Variants in ATP8B3 observed in about 807,000 individuals in gnomAD.
ATP8B3 encodes the protein ATPase phospholipid transporting 8B3.
Under a neutral mutation model 140.9 loss-of-function variants are expected in ATP8B3, and 141 were observed. The observed-to-expected ratio is 1.00, with a 90% confidence interval of 0.87 to 1.15. The LOEUF is 1.15. Ranked by LOEUF, ATP8B3 falls within the 50% of genes most tolerant of loss-of-function variation. ATP8B3 has a pLI of 0.00. For missense variants in ATP8B3, 1,874 were observed against 1,740.6 expected (o/e 1.08, Z -1.36); for synonymous variants, 765 against 714.6 (o/e 1.07, Z -1.13).
chr19:1,809,881 A>G (rs2069138696), intron 3 of ATP8B3, 147 bp from the exon 4 acceptor site: 1 of 717,350 alleles, frequency 1.4e-6, no homozygotes. Flanking sequence ...ACAGTCGGGC[A>G]GCAGGCACCA....
At chr19:1,792,793 G>A (rs1437013661) in intron 18 of ATP8B3, among the ~76,000 whole-genome samples, 1 of 150,674 alleles carries the variant, frequency 6.6e-6, no homozygotes, top group East Asian at 2.0e-4. Context: ...CGCATGCCTG[G>A]AATCCCAGCT....
In ATP8B3 at chr19:1,811,342, C is replaced by T. The variant is rs985883723; in HGVS notation, c.248+147G>A. The T allele has an allele frequency of 1.8e-5, 21 of 1,162,656 alleles. No individual in the cohort carries two copies. In the South Asian group the frequency reaches 2.5e-4, roughly 14 times the overall value. The allele number at this position is 1,162,656 out of a possible 1,614,324, so 72.0% of individuals were successfully genotyped here. ...TGTGGGTCTGGCTCTAGCCCTGCAC[C>T]GGGGGCCCTGGTTTGGCCCCCTATG... is the stretch of plus-strand genomic sequence containing the variant. On this transcript the variant is annotated intron_variant, in intron 2 of 28. Coordinates refer to ENST00000310127, the MANE Select transcript of ATP8B3 (RefSeq NM_138813.4).
chr19:1,784,064 G>A (rs753630161), intron 28 of ATP8B3, among the ~76,000 whole-genome samples: 4 of 152,160 alleles, frequency 2.6e-5, no homozygotes, highest in East Asian at 3.8e-4. Flanking sequence ...TCCTTCTCAC[G>A]GCTCAGGCGT....
rs149812516 is a variant in ATP8B3 at position 1,806,493 on chromosome 19, C to A, written c.677+135G>T. On this transcript the variant is annotated intron_variant, in intron 7 of 28. Transcript: ENST00000310127. The surrounding 1 kb of genome is among the most constrained non-coding windows in gnomAD (Gnocchi z 5.6). ...CGGCCAAACGCCTAATGAATGCAGG[C>A]CCGGTTCCTGTCGGACTCAACCAGC... is the stretch of plus-strand genomic sequence containing the variant. 1 of 1,489,476 alleles carries A rather than the reference C, an allele frequency of 6.7e-7. No homozygotes were observed. The highest frequency in any genetic ancestry group is 1.4e-5 in the African/African-American group (1 of 72,084). The allele number at this position is 1,489,476 out of a possible 1,614,324, so 92.3% of individuals were successfully genotyped here. A position where few individuals can be genotyped will look rare whatever the true frequency, so the allele number is the denominator to read the frequency against.
intron 25 of ATP8B3, 65 bp from the exon 26 acceptor site, chr19:1,785,773 T>C (rs8110462): frequency 0.38 from 485,775 of 1,291,914 alleles, 102,700 homozygotes; most frequent in South Asian, 0.41. Flanking sequence ...GAGATCAGGA[T>C]CTCCTCGGGC....
chr19:1,807,367 C>T lies in ATP8B3; in HGVS notation c.517-101G>A. 1.1e-6 allele frequency: 1 copy of T among 910,448 alleles called. No homozygotes were observed. Among genetic ancestry groups the T allele is most frequent in the South Asian group, 1.5e-5 (1 of 67,422 alleles). 56.4% of individuals were successfully genotyped at this position (910,448 alleles called of 1,614,324 possible). On this transcript the variant is annotated intron_variant, in intron 5 of 28. Coordinates refer to ENST00000310127, the MANE Select transcript of ATP8B3 (RefSeq NM_138813.4). The surrounding 1 kb of genome is among the most constrained non-coding windows in gnomAD (Gnocchi z 5.9). ...GCCCCGCACTCGACACCACGTGACA[C>T]ATCTGCTGGCCACCTTGACCGGGGT...
chr19:1,802,066 T>TCCA, intron 11 of ATP8B3, 22 bp from the exon 12 acceptor site: 1 of 1,523,946 alleles, frequency 6.6e-7, no homozygotes, highest in Admixed American at 2.0e-5. Flanking sequence ...TATCCATCTA[T>TCCA]CCACCCACCC....
chr19:1,790,868 G>A (rs536826216), intron 20 of ATP8B3, 36 bp from the exon 21 acceptor site: 5 of 1,292,556 alleles, frequency 3.9e-6, no homozygotes, highest in East Asian at 4.4e-5. Context: ...TCTGCGACCC[G>A]CCCCGCACTG....
Position 1,806,790 on chromosome 19 carries a change from G to A in ATP8B3, c.616-101C>T. Reference sequence around the variant, plus strand: ...CCCAGCAGTGCCCGCCCGCAACACGGGGTCCCTGTCCGCTGGCCCCACGCC... The same window carrying A: ...CCCAGCAGTGCCCGCCCGCAACACGAGGTCCCTGTCCGCTGGCCCCACGCC... On this transcript the variant is annotated intron_variant, in intron 6 of 28. Coordinates refer to ENST00000310127, the MANE Select transcript of ATP8B3 (RefSeq NM_138813.4). This position sits in a 1 kb window ranked among gnomAD's most constrained non-coding sequence, Gnocchi z 5.6. The A allele has an allele frequency of 7.5e-7, 1 of 1,330,058 alleles. No homozygotes were observed. The allele number at this position is 1,330,058 out of a possible 1,614,324, so 82.4% of individuals were successfully genotyped here.
At chr19:1,799,306 A>G (rs566680467) in intron 14 of ATP8B3, 1 of 151,940 alleles carries the variant, frequency 6.6e-6, no homozygotes, top group Non-Finnish European at 1.5e-5. Flanking sequence ...GAAAAAAAAA[A>G]TACAAAAATT....
chr19:1,789,781 G>A (rs1472836392), intron 22 of ATP8B3, 54 bp from the exon 23 acceptor site: 3 of 1,559,474 alleles, frequency 1.9e-6, no homozygotes, highest in African/African-American at 2.7e-5. Flanking sequence ...GGCCAGACTG[G>A]ACCCTACCCG....
chr19:1,783,316 G>A, intron 28 of ATP8B3, 46 bp from the exon 29 acceptor site: 1 of 1,576,650 alleles, frequency 6.3e-7, no homozygotes, highest in Non-Finnish European at 8.6e-7. Context: ...CCTATGCTTG[G>A]CTGATGGCTC....
intron 18 of ATP8B3, among the ~76,000 whole-genome samples, chr19:1,793,409 G>A (rs184974795): frequency 4.4e-4 from 67 of 152,336 alleles, no homozygotes; most frequent in African/African-American, 1.5e-3. Context: ...CCTGCATGGC[G>A]AATTCTGACT....
intron 10 of ATP8B3, among the ~76,000 whole-genome samples, chr19:1,804,585 G>A (rs1056388698): frequency 2.6e-5 from 4 of 151,292 alleles, no homozygotes; most frequent in Non-Finnish European, 4.4e-5. Context: ...TCCAGCCTGG[G>A]CAACAGAGCG....
chr19:1,799,693 G>A, intron 14 of ATP8B3: 1 of 578,550 alleles, frequency 1.7e-6, no homozygotes, highest in Non-Finnish European at 3.1e-6. Context: ...GAACCTGGGA[G>A]GTGGAGATTG....
rs1184381715 is a variant in ATP8B3 at position 1,802,634 on chromosome 19, A to C, written c.916T>G (p.Cys306Gly). The change falls in exon 11 of 29, where the codon TGT becomes GGT. Residue 306 changes from cysteine (C) to glycine (G), a missense_variant. By Grantham distance (159) the Cys-to-Gly change is radical. Coordinates refer to ENST00000310127, the MANE Select transcript of ATP8B3 (RefSeq NM_138813.4). The stretch of plus-strand genomic sequence containing the variant: ...TGCATCCGACTGTTAGGCGCCTCAC[A>C]CGTCACTGTGCCTGTGGGTGGCCAG... ...KMASFQGTVTCEAPNSRMHHF... is the reference protein window; with the variant it reads ...KMASFQGTVTGEAPNSRMHHF... 1.2e-6 allele frequency: 2 copies of C among 1,609,930 alleles called. No homozygotes were observed. Among genetic ancestry groups the C allele is most frequent in the Non-Finnish European group, 1.7e-6 (2 of 1,178,762 alleles).
In ATP8B3 at chr19:1,789,941, C is replaced by T. The variant is rs1172448813; in HGVS notation, c.2427G>A (p.Arg809=). The change falls in exon 22 of 29, where the codon AGG becomes AGA. Residue 809 remains arginine (R), a synonymous_variant. Coordinates refer to ENST00000310127, the MANE Select transcript of ATP8B3 (RefSeq NM_138813.4). Reference sequence around the variant, plus strand: ...CCAGCTTGACCTGCGACAGGGACTCCCTGGTTAGAAGGTTGTTACTGTTTT... The same window carrying T: ...CCAGCTTGACCTGCGACAGGGACTCTCTGGTTAGAAGGTTGTTACTGTTTT... ...YWENSNNLLT[R]ESLSQVKLAL... 1.2e-6 allele frequency: 2 copies of T among 1,612,180 alleles called. No homozygotes were observed. The highest frequency in any genetic ancestry group is 8.5e-7 in the Non-Finnish European group (1 of 1,179,586).
At position 1,805,594 on chromosome 19, in the gene ATP8B3, C is replaced by T. The variant is rs1600472968; in HGVS notation, c.822-138G>A. ...CAGCTGCCAGTCAGATGGCTGAGGC[C>T]CAGAGAGGGAGAAGGCCTTGCCCAA... On this transcript the variant is annotated intron_variant, in intron 9 of 28. Transcript: ENST00000310127. The surrounding 1 kb of genome is among the most constrained non-coding windows in gnomAD (Gnocchi z 5.2). The T allele has an allele frequency of 2.4e-6, 2 of 843,984 alleles. No homozygotes were observed. The highest frequency in any genetic ancestry group is 2.6e-5 in the East Asian group (1 of 37,780). The allele number at this position is 843,984 out of a possible 1,614,324, so 52.3% of individuals were successfully genotyped here. A position where few individuals can be genotyped will look rare whatever the true frequency, so the allele number is the denominator to read the frequency against.
chr19:1,783,555 CCAAT>C (rs1276705355), intron 28 of ATP8B3, among the ~76,000 whole-genome samples: 2 of 152,196 alleles, frequency 1.3e-5, no homozygotes, highest in African/African-American at 4.8e-5. Context: ...TCGGGACCAC[CCAAT>C]CAGAGTCCTT....
Sources: gnomAD v4.1 joint callset for allele counts (sites outside exome capture counted in the v4.1 genomes callset) on GRCh38, gnomAD v4.1.1 for gene constraint, Gnocchi (gnomAD v3.1) non-coding constraint, MANE v1.5 for transcripts, NCBI Gene and HGNC (gene_info 2026-07-23, HGNC 2026-07-21) for gene names.